The following DTD1 variants were observed in gnomAD, a reference collection of about 807,000 sequenced individuals.
DTD1 encodes D-tyrosyl-tRNA deacylase 1 homolog.
DTD1 carries 13 observed loss-of-function variants against 25.6 expected under a neutral mutation model. The observed-to-expected ratio is 0.51, with a 90% CI of 0.33 to 0.81. DTD1 has a LOEUF of 0.81. DTD1 is among the 30% of genes least tolerant of loss of function. The pLI, the probability that DTD1 is intolerant of heterozygous loss-of-function variation, is 0.02. For missense variants in DTD1, 193 were observed against 266.4 expected, an observed-to-expected ratio of 0.72 and a Z score of 1.92; for synonymous variants, 110 against 103.6, an observed-to-expected ratio of 1.06 and a Z score of -0.37.
chr20:18,642,215 G>A (rs1022497676), intron 4 of DTD1, among the ~76,000 whole-genome samples: 1 of 152,118 alleles, frequency 6.6e-6, no homozygotes, highest in African/African-American at 2.4e-5. Context: ...CCCCAAAACA[G>A]CTGTCAAAAT....
rs1045163905 is a variant in DTD1, at chr20:18,765,193, G to A, written c.*1853G>A. 6.6e-5 allele frequency: 10 copies of A among 152,288 alleles called. No homozygotes were observed. Among genetic ancestry groups the A allele is most frequent in the African/African-American group, 2.4e-4 (10 of 41,454 alleles). 9.4% of individuals were successfully genotyped at this position (152,288 alleles called of 1,614,324 possible). A position where few individuals can be genotyped will look rare whatever the true frequency, so the allele number is the denominator to read the frequency against. On this transcript the variant is annotated 3_prime_UTR_variant, in exon 6 of 6. Transcript: ENST00000377452. Reference sequence around the variant, plus strand: ...CCGTAAAGGAAGAGCTGAAGGAGCTGGGGCTGTTTCATCTGGGAGGGGAAC... The same window carrying A: ...CCGTAAAGGAAGAGCTGAAGGAGCTAGGGCTGTTTCATCTGGGAGGGGAAC...
intron 3 of DTD1, among the ~76,000 whole-genome samples, chr20:18,618,552 A>G (rs1341951991): frequency 6.7e-6 from 1 of 149,956 alleles, no homozygotes; most frequent in Non-Finnish European, 1.5e-5. Flanking sequence ...ATATGAACAC[A>G]TCTATAATAC....
In DTD1 at chr20:18,711,131, C is replaced by T. The variant is rs187205495; in HGVS notation, c.478-32969C>T. 1.5e-3 allele frequency among the ~76,000 whole-genome samples: 228 copies of T among 152,274 alleles called. 1 individual carries two copies. Among genetic ancestry groups the T allele is most frequent in the Admixed American group, 1.5e-3 (23 of 15,298 alleles). ...AGCTCCATGGAGTGGTGGGAGCAGGCGCTATTCTCAGCCCTGTGTGAGCGC... is the reference window on the plus strand; with the variant it reads ...AGCTCCATGGAGTGGTGGGAGCAGGTGCTATTCTCAGCCCTGTGTGAGCGC... On this transcript the variant is annotated intron_variant, in intron 4 of 5. Coordinates refer to ENST00000377452, the MANE Select transcript of DTD1 (RefSeq NM_080820.6).
At chr20:18,740,350 A>T (rs1304274209) in intron 4 of DTD1, among the ~76,000 whole-genome samples, 2 of 152,046 alleles carry the variant, frequency 1.3e-5, no homozygotes, top group African/African-American at 4.8e-5. Context: ...TAATCTCTGA[A>T]GATGAGAAAC....
At chr20:18,611,875 G>A (rs1009401421) in intron 3 of DTD1, among the ~76,000 whole-genome samples, 2 of 151,962 alleles carry the variant, frequency 1.3e-5, no homozygotes, top group African/African-American at 4.8e-5. Context: ...TTATTTTTGA[G>A]ACGGAGTCTT....
At position 18,635,303 on chromosome 20, in the gene DTD1, C is replaced by T. The variant is rs114679017; in HGVS notation, c.477+7070C>T. On this transcript the variant is annotated intron_variant, in intron 4 of 5. Transcript: ENST00000377452. ...AAACAGAAGTGGGAACTCAGCAAAG[C>T]GTCCTCATTACAGAGTTGTTGCTGT... Among the ~76,000 whole-genome samples, 1,083 of 152,336 alleles carry T rather than the reference C, an allele frequency of 7.1e-3. 11 individuals carry two copies. Among genetic ancestry groups the T allele is most frequent in the African/African-American group, 0.024 (1,017 of 41,586 alleles).
chr20:18,629,602 C>G (rs1313722226), intron 4 of DTD1, among the ~76,000 whole-genome samples: 1 of 152,044 alleles, frequency 6.6e-6, no homozygotes, highest in African/African-American at 2.4e-5. Context: ...CATGCCTGGC[C>G]AAAGCCAGAT....
chr20:18,695,196 G>A (rs963833350), intron 4 of DTD1, among the ~76,000 whole-genome samples: 3 of 151,978 alleles, frequency 2.0e-5, no homozygotes, highest in Non-Finnish European at 4.4e-5. Flanking sequence ...TTCACACATA[G>A]AGCTGGAGTG....
At chr20:18,708,242 A>T (rs1243319965) in intron 4 of DTD1, among the ~76,000 whole-genome samples, 32 of 31,698 alleles carry the variant, frequency 1.0e-3, no homozygotes, top group African/African-American at 5.7e-3. Context: ...TTATATATAT[A>T]TAATATATAT....
At chr20:18,700,302 T>C (rs1302057797) in intron 4 of DTD1, among the ~76,000 whole-genome samples, 3 of 152,234 alleles carry the variant, frequency 2.0e-5, no homozygotes, top group Non-Finnish European at 4.4e-5. Context: ...ATTTCTTAAA[T>C]GGACTTCTTA....
At chr20:18,720,398 G>A (rs922728335) in intron 4 of DTD1, among the ~76,000 whole-genome samples, 6 of 152,172 alleles carry the variant, frequency 3.9e-5, no homozygotes, top group African/African-American at 1.4e-4. Context: ...TCCTTCCTTA[G>A]AGAAGATAAA....
At chr20:18,675,989 C>A (rs932765375) in intron 4 of DTD1, among the ~76,000 whole-genome samples, 1 of 152,050 alleles carries the variant, frequency 6.6e-6, no homozygotes, top group East Asian at 1.9e-4. Context: ...TTTCTGACCT[C>A]AATTTTGATG....
chr20:18,740,272 G>T (rs1300057961), intron 4 of DTD1, among the ~76,000 whole-genome samples: 1 of 151,458 alleles, frequency 6.6e-6, no homozygotes, highest in Non-Finnish European at 1.5e-5. Flanking sequence ...GGGGGAGGAG[G>T]TTTATTTAAT....
rs1042324687 is a variant in DTD1, at chr20:18,718,928, G to A, written c.478-25172G>A. On this transcript the variant is annotated intron_variant, in intron 4 of 5. Coordinates refer to ENST00000377452, the MANE Select transcript of DTD1 (RefSeq NM_080820.6). ...AAAAGCCTGACTTGCCACACCTTCT[G>A]CCCTGAGCAGAGAGCTACAAACCTT... Among the ~76,000 whole-genome samples the A allele has an allele frequency of 2.0e-5, 3 of 152,202 alleles. No individual in the cohort carries two copies. The South Asian group carries it at 6.2e-4, about 32-fold the overall frequency.
At chr20:18,700,936 G>A (rs1352392794) in intron 4 of DTD1, among the ~76,000 whole-genome samples, 2 of 152,204 alleles carry the variant, frequency 1.3e-5, no homozygotes, top group East Asian at 1.9e-4. Flanking sequence ...TCAGAGTAGC[G>A]CCTGACTCTG....
intron 3 of DTD1, among the ~76,000 whole-genome samples, chr20:18,620,895 G>A (rs552910519): frequency 4.7e-4 from 72 of 152,250 alleles, no homozygotes; most frequent in Non-Finnish European, 8.4e-4. Context: ...TTGCCTGGCT[G>A]TTAACTTTTT....
At chr20:18,719,664 T>C (rs780856843) in intron 4 of DTD1, among the ~76,000 whole-genome samples, 1 of 152,234 alleles carries the variant, frequency 6.6e-6, no homozygotes, top group Non-Finnish European at 1.5e-5. Context: ...GTGGTACTGC[T>C]GCTACACATG....
At position 18,623,343 on chromosome 20, in the gene DTD1, C is replaced by T. The variant is rs76553431; in HGVS notation, c.371-4784C>T. ...TTTTCCTCCTTTTTTTCTTAATCAG[C>T]GTTTTTAGTTTTTTTTGTATTTCAT... On this transcript the variant is annotated intron_variant, in intron 3 of 5. Coordinates refer to ENST00000377452, the MANE Select transcript of DTD1 (RefSeq NM_080820.6). Among the ~76,000 whole-genome samples, 858 of 151,910 alleles carry T rather than the reference C, an allele frequency of 5.6e-3. 2 individuals are homozygous for T. The highest frequency in any genetic ancestry group is 9.7e-3 in the Non-Finnish European group (660 of 67,920).
intron 4 of DTD1, among the ~76,000 whole-genome samples, chr20:18,695,622 C>CTTCTCTCT (rs1442735959): frequency 1.4e-5 from 1 of 71,428 alleles, no homozygotes. Flanking sequence ...CCCTTCTTTC[C>CTTCTCTCT]TTCTCTCTCT....
Sources: gnomAD v4.1 joint callset for allele counts (sites outside exome capture counted in the v4.1 genomes callset) on GRCh38, gnomAD v4.1.1 for gene constraint, MANE v1.5 for transcripts, NCBI Gene and HGNC (gene_info 2026-07-23, HGNC 2026-07-21) for gene names.